ATP10B: variants seen among roughly 807,000 people sequenced by gnomAD.
ATP10B encodes phospholipid-transporting ATPase VB.
A neutral mutation model predicts 141.2 loss-of-function variants in ATP10B; 122 were observed. That is an observed-to-expected ratio of 0.86 (90% CI 0.75 to 1.00). The LOEUF is 1.00. Ranked by LOEUF, ATP10B falls within the 50% of genes least tolerant of loss-of-function variation. The probability of loss-of-function intolerance (pLI) is 0.00; values close to 1 mark genes in which losing one functional copy is unlikely to be tolerated. For synonymous variants in ATP10B, 685 were observed against 692.0 expected (o/e 0.99, Z 0.16); for missense variants, 1,876 against 1,825.3 (o/e 1.03, Z -0.51).
intron 2 of ATP10B, among the ~76,000 whole-genome samples, chr5:160,773,035 C>T (rs951405348): frequency 2.0e-5 from 3 of 150,894 alleles, no homozygotes; most frequent in African/African-American, 4.9e-5. Flanking sequence ...GGCTATTTGA[C>T]GGAAATCAGG....
chr5:160,656,791 T>G (rs1340236122), intron 7 of ATP10B, among the ~76,000 whole-genome samples: 2 of 152,184 alleles, frequency 1.3e-5, no homozygotes, highest in Non-Finnish European at 2.9e-5. Flanking sequence ...CCGTGTCCAT[T>G]AGGAAATATC....
At chr5:160,789,255 A>C (rs1224941004) in intron 1 of ATP10B, among the ~76,000 whole-genome samples, 1 of 152,170 alleles carries the variant, frequency 6.6e-6, no homozygotes, top group East Asian at 1.9e-4. Flanking sequence ...AGTGCTAACA[A>C]ATTTGAGTAC....
At chr5:160,853,295 T>A (rs75410038), upstream of ATP10B, among the ~76,000 whole-genome samples, 419 of 152,320 alleles carry the variant, frequency 2.8e-3, 1 homozygote, top group African/African-American at 9.7e-3. Context: ...CAGAGTGCTC[T>A]GGCTTCTAGG....
At chr5:160,831,967 G>A (rs1415864258) in intron 1 of ATP10B, among the ~76,000 whole-genome samples, 1 of 152,032 alleles carries the variant, frequency 6.6e-6, no homozygotes, top group Admixed American at 6.6e-5. Flanking sequence ...AATCTAACTT[G>A]AACACAGAAT....
In ATP10B at chr5:160,704,241, G is replaced by A. The variant is rs903788051; in HGVS notation, c.-205+12668C>T. Among the ~76,000 whole-genome samples, 9 of 151,718 alleles carry A rather than the reference G, an allele frequency of 5.9e-5. No homozygotes were observed. In the South Asian group the frequency reaches 1.3e-3, roughly 21 times the overall value. On this transcript the variant is annotated intron_variant, in intron 3 of 25. Transcript: ENST00000327245. ...TATTTTTTTTTTATTATTATTGTTC[G>A]TAGAGACAGTTGCCTATGTTGCCTA...
At chr5:160,620,197 T>G in intron 15 of ATP10B, 150 bp downstream of exon 15, 2 of 998,564 alleles carry the variant, frequency 2.0e-6, no homozygotes, top group Non-Finnish European at 2.9e-6. Context: ...GTTTTAAGGA[T>G]ATTTGAGGAA....
At chr5:160,783,032 T>C (rs994077500) in intron 2 of ATP10B, among the ~76,000 whole-genome samples, 4 of 152,144 alleles carry the variant, frequency 2.6e-5, no homozygotes, top group African/African-American at 9.6e-5. Context: ...CAAAGGAAAT[T>C]TTTTATTTTC....
rs116774106 is a variant in ATP10B, at chr5:160,757,347, G to A, written c.-331+28212C>T. Among the ~76,000 whole-genome samples the A allele has an allele frequency of 2.3e-3, 344 of 152,236 alleles. 2 individuals carry two copies. The highest frequency in any genetic ancestry group is 7.9e-3 in the African/African-American group (326 of 41,524). On this transcript the variant is annotated intron_variant, in intron 2 of 25. Transcript: ENST00000327245. ...CTTTCCTTTGAGGGCCCTGACTATG[G>A]GAATTTTTTTATTGGCTTTAAAAGT...
intron 7 of ATP10B, among the ~76,000 whole-genome samples, chr5:160,653,203 ATAC>A (rs1052619808): frequency 2.2e-5 from 3 of 135,528 alleles, no homozygotes; most frequent in Non-Finnish European, 4.6e-5. Flanking sequence ...AATATATTAT[ATAC>A]TATATATCAT....
chr5:160,624,762 A>G (rs981177269), intron 13 of ATP10B, among the ~76,000 whole-genome samples: 2 of 152,240 alleles, frequency 1.3e-5, no homozygotes, highest in Admixed American at 1.3e-4. Context: ...AAACCCATAG[A>G]GACAGGCTGA....
At chr5:160,829,714 T>C (rs1258956094) in intron 1 of ATP10B, among the ~76,000 whole-genome samples, 1 of 152,104 alleles carries the variant, frequency 6.6e-6, no homozygotes, top group South Asian at 2.1e-4. Context: ...ACTTTTTTTG[T>C]GGTATTTTAA....
the ATP10B span, among the ~76,000 whole-genome samples, chr5:160,900,206 A>T: frequency 6.6e-6 from 1 of 152,084 alleles, no homozygotes; most frequent in South Asian, 2.1e-4. Flanking sequence ...TGGACAAGAC[A>T]TCCCTACCCC....
At chr5:160,914,717 A>G in the ATP10B span, among the ~76,000 whole-genome samples, 18 of 152,240 alleles carry the variant, frequency 1.2e-4, no homozygotes, top group Non-Finnish European at 2.1e-4. Flanking sequence ...TCATACGCCC[A>G]GGTACTAACT....
intron 18 of ATP10B, among the ~76,000 whole-genome samples, chr5:160,608,780 TG>T (rs1395759165): frequency 2.0e-5 from 3 of 152,212 alleles, no homozygotes; most frequent in Admixed American, 2.0e-4. Flanking sequence ...TGGGGTTGTT[TG>T]ATTTTTTTCC....
intron 13 of ATP10B, among the ~76,000 whole-genome samples, chr5:160,631,425 G>A (rs1319611499): frequency 6.6e-6 from 1 of 152,176 alleles, no homozygotes; most frequent in Non-Finnish European, 1.5e-5. Context: ...AATGTGAAAG[G>A]ACAATACGCA....
intron 18 of ATP10B, among the ~76,000 whole-genome samples, chr5:160,610,521 G>A (rs778170317): frequency 6.6e-6 from 1 of 152,120 alleles, no homozygotes; most frequent in Non-Finnish European, 1.5e-5. Context: ...GATAATAAAT[G>A]TCTGTTGTTT....
intron 1 of ATP10B, among the ~76,000 whole-genome samples, chr5:160,813,702 C>T (rs1016012854): frequency 6.6e-6 from 1 of 152,218 alleles, no homozygotes; most frequent in Non-Finnish European, 1.5e-5. Flanking sequence ...GGGTCCCTGA[C>T]CCCTGAGTAG....
At chr5:160,758,693 G>A (rs1768810928) in intron 2 of ATP10B, among the ~76,000 whole-genome samples, 1 of 152,162 alleles carries the variant, frequency 6.6e-6, no homozygotes, top group Non-Finnish European at 1.5e-5. Context: ...CCCACAGATG[G>A]GTGAGTAGAC....
At chr5:160,607,837 AGT>A (rs960312084) in intron 18 of ATP10B, among the ~76,000 whole-genome samples, 10 of 152,226 alleles carry the variant, frequency 6.6e-5, no homozygotes, top group African/African-American at 2.4e-4. Context: ...TTATATCAAA[AGT>A]AGTCATATTT....
Sources: gnomAD v4.1 joint callset for allele counts (sites outside exome capture counted in the v4.1 genomes callset) on GRCh38, gnomAD v4.1.1 for gene constraint, MANE v1.5 for transcripts, NCBI Gene and HGNC (gene_info 2026-07-23, HGNC 2026-07-21) for gene names.